EPN2: variants seen among roughly 807,000 people sequenced by gnomAD.
The protein encoded by EPN2 is epsin 2.
In EPN2, 34 loss-of-function variants were observed where a neutral mutation model predicts 61.7. The observed-to-expected ratio is 0.55, with a 90% CI of 0.42 to 0.73. EPN2 has a LOEUF of 0.73. EPN2 is among the 30% of genes least tolerant of loss of function. The probability of loss-of-function intolerance (pLI) is 0.00; values close to 1 mark genes in which losing one functional copy is unlikely to be tolerated. For synonymous variants in EPN2, 349 were observed against 353.6 expected (o/e 0.99, Z 0.15); for missense variants, 714 against 839.2 (o/e 0.85, Z 1.84).
intron 1 of EPN2, among the ~76,000 whole-genome samples, chr17:19,265,556 T>G (rs889741845): frequency 6.6e-6 from 1 of 152,208 alleles, no homozygotes; most frequent in Non-Finnish European, 1.5e-5. Context: ...GGTTCTCTTG[T>G]GTCCCTGCCC....
At chr17:19,293,016 ATT>A (rs1410799167) in intron 4 of EPN2, among the ~76,000 whole-genome samples, 3 of 152,230 alleles carry the variant, frequency 2.0e-5, no homozygotes, top group African/African-American at 7.2e-5. Flanking sequence ...GTGTACACCT[ATT>A]ACAATTTTAA....
intron 1 of EPN2, among the ~76,000 whole-genome samples, chr17:19,262,339 G>A (rs2045150614): frequency 6.6e-6 from 1 of 150,426 alleles, no homozygotes; most frequent in Non-Finnish European, 1.5e-5. Context: ...TTAGCTGGGT[G>A]TAGTGGCACA....
chr17:19,308,384 A>T, intron 4 of EPN2: 1 of 985,416 alleles, frequency 1.0e-6, no homozygotes, highest in South Asian at 4.7e-5. Flanking sequence ...CAATTAGAAC[A>T]TTTTAAAATG....
At chr17:19,311,960 C>A in intron 5 of EPN2, 92 bp from the exon 6 acceptor site, 1 of 831,586 alleles carries the variant, frequency 1.2e-6, no homozygotes, top group Non-Finnish European at 2.1e-6. Context: ...AATACTGCAT[C>A]ATACAATGTG....
At chr17:19,276,777 T>G (rs925790059) in intron 1 of EPN2, among the ~76,000 whole-genome samples, 1 of 148,288 alleles carries the variant, frequency 6.7e-6, no homozygotes, top group Non-Finnish European at 1.5e-5. Context: ...GAATAAGTTT[T>G]TTTTTTTTTT....
intron 1 of EPN2, among the ~76,000 whole-genome samples, chr17:19,240,982 G>C (rs2044878679): frequency 6.6e-6 from 1 of 152,212 alleles, no homozygotes; most frequent in South Asian, 2.1e-4. Flanking sequence ...TTGTGTGTCA[G>C]TTGCATAGGT....
chr17:19,299,778 T>C lies in EPN2; in HGVS notation c.767-10107T>C, dbSNP rs190975849. On this transcript the variant is annotated intron_variant, in intron 4 of 10. Coordinates refer to ENST00000314728, the MANE Select transcript of EPN2 (RefSeq NM_014964.5). ...TCCTGCCTCTTTCACCAGCCCTGCA[T>C]TGGGGCCATAACGTGGTCATTGTTG... Among the ~76,000 whole-genome samples, 313 of 152,326 alleles carry C rather than the reference T, an allele frequency of 2.1e-3. 3 individuals are homozygous for C. The highest frequency in any genetic ancestry group is 2.5e-3 in the Non-Finnish European group (170 of 68,020).
intron 1 of EPN2, among the ~76,000 whole-genome samples, chr17:19,262,414 G>A (rs1051133330): frequency 4.6e-5 from 7 of 151,914 alleles, no homozygotes; most frequent in African/African-American, 1.2e-4. Context: ...GGAGGCGGAG[G>A]TTGCCGTGAG....
chr17:19,298,137 G>A (rs1034247709), intron 4 of EPN2, among the ~76,000 whole-genome samples: 9 of 151,940 alleles, frequency 5.9e-5, no homozygotes, highest in Non-Finnish European at 1.0e-4. Flanking sequence ...GCCTCCCAAA[G>A]TGCTGGGATT....
intron 7 of EPN2, among the ~76,000 whole-genome samples, chr17:19,318,549 C>CAAAA (rs58660254): frequency 0.33 from 8,199 of 24,712 alleles, 2,269 homozygotes; most frequent in East Asian, 0.71. Flanking sequence ...GACTCCATCT[C>CAAAA]AAAAAAAAAA....
chr17:19,262,465 C>T (rs554313818), intron 1 of EPN2, among the ~76,000 whole-genome samples: 5 of 152,252 alleles, frequency 3.3e-5, no homozygotes, highest in South Asian at 4.1e-4. Flanking sequence ...GCAACAGGAG[C>T]GTTAAAACTC....
chr17:19,250,466 A>G (rs565705030), intron 1 of EPN2, among the ~76,000 whole-genome samples: 11 of 152,124 alleles, frequency 7.2e-5, no homozygotes, highest in Non-Finnish European at 1.6e-4. Flanking sequence ...ACAGGTTCTG[A>G]GGTTAAGATG....
At chr17:19,255,985 T>G (rs2062853689) in intron 1 of EPN2, among the ~76,000 whole-genome samples, 1 of 152,036 alleles carries the variant, frequency 6.6e-6, no homozygotes, top group African/African-American at 2.4e-5. Flanking sequence ...TTACCCAGGC[T>G]GGAGTGCAGG....
Position 19,312,150 on chromosome 17 carries a change from A to G in EPN2, c.972+6A>G, listed in dbSNP as rs766457538. On this transcript the variant is annotated splice_donor_region_variant and intron_variant, in intron 6 of 10. Coordinates refer to ENST00000314728, the MANE Select transcript of EPN2 (RefSeq NM_014964.5). ...AAATTCCAAAAAAGAAAGAGGTAAG[A>G]GCTTGCTGGGAGGGTAGATGTTTCA... 3.4e-5 allele frequency: 54 copies of G among 1,606,080 alleles called. No homozygotes were observed. In the Middle Eastern group the frequency reaches 5.1e-4, roughly 15 times the overall value.
intron 10 of EPN2, 35 bp from the exon 11 acceptor site, chr17:19,333,921 C>A: frequency 6.7e-7 from 1 of 1,499,144 alleles, no homozygotes; most frequent in South Asian, 1.4e-5. Flanking sequence ...CACACCCTGA[C>A]GGCTCAGCCT....
At chr17:19,250,730 G>A (rs1416015718) in intron 1 of EPN2, among the ~76,000 whole-genome samples, 2 of 152,054 alleles carry the variant, frequency 1.3e-5, no homozygotes, top group Non-Finnish European at 2.9e-5. Context: ...TGGTTGTCTG[G>A]TCCCTGCTCT....
At chr17:19,308,419 C>T in intron 4 of EPN2, 2 of 985,390 alleles carry the variant, frequency 2.0e-6, no homozygotes, top group Non-Finnish European at 2.4e-6. Flanking sequence ...AAATTGAATT[C>T]TGTAGTTGTC....
chr17:19,269,173 A>G (rs953286326), intron 1 of EPN2, among the ~76,000 whole-genome samples: 1 of 152,232 alleles, frequency 6.6e-6, no homozygotes, highest in Non-Finnish European at 1.5e-5. Flanking sequence ...ACAACAAGAA[A>G]ACATTAGGGC....
chr17:19,257,640 C>T (rs1292986026), intron 1 of EPN2, among the ~76,000 whole-genome samples: 1 of 151,950 alleles, frequency 6.6e-6, no homozygotes, highest in Non-Finnish European at 1.5e-5. Flanking sequence ...GCCTCCACCT[C>T]CCGAGTAGCT....
Sources: gnomAD v4.1 joint callset for allele counts (sites outside exome capture counted in the v4.1 genomes callset) on GRCh38, gnomAD v4.1.1 for gene constraint, MANE v1.5 for transcripts, NCBI Gene and HGNC (gene_info 2026-07-23, HGNC 2026-07-21) for gene names.